The following RAD54L variants were observed in gnomAD, a reference collection of about 807,000 sequenced individuals.
RAD54L encodes RAD54 like, also known as DNA repair and recombination protein RAD54-like.
In RAD54L, 74 loss-of-function variants were observed where a neutral mutation model predicts 91.6. The ratio of observed to expected loss-of-function variants is 0.81; its 90% CI spans 0.67 to 0.98. The LOEUF is 0.98. Ranked by LOEUF, RAD54L falls within the 50% of genes least tolerant of loss-of-function variation. The pLI is 0.00. For synonymous variants in RAD54L, 304 were observed against 349.7 expected, an observed-to-expected ratio of 0.87 and a Z score of 1.46; for missense variants, 887 against 945.7, an observed-to-expected ratio of 0.94 and a Z score of 0.81.
Position 46,274,692 on chromosome 1 carries a change from C to T in RAD54L, c.1844C>T (p.Thr615Ile), listed in dbSNP as rs377232880. 1.9e-6 allele frequency: 3 copies of T among 1,614,110 alleles called. No individual in the cohort carries two copies. The highest frequency in any genetic ancestry group is 2.2e-5 in the East Asian group (1 of 44,884). Residue 615 changes from threonine to isoleucine, a missense_variant, in exon 16 of 18, where the codon ACT becomes ATT. Transcript: ENST00000371975. ...GTCTGGCGAGATGGTCAAAAGAAGACTTGCTATATCTACCGCCTGCTGTCT... is the reference window on the plus strand; with the variant it reads ...GTCTGGCGAGATGGTCAAAAGAAGATTTGCTATATCTACCGCCTGCTGTCT... ...ARVWRDGQKK[T>I]CYIYRLLSAG...
chr1:46,255,367 G>C (rs573948989), intron 3 of RAD54L, among the ~76,000 whole-genome samples: 8 of 152,048 alleles, frequency 5.3e-5, no homozygotes, highest in African/African-American at 1.9e-4. Context: ...TCATCTATCA[G>C]AAGGAAAGAT....
At chr1:46,267,947 T>A (rs973534983) in intron 9 of RAD54L, among the ~76,000 whole-genome samples, 2 of 152,226 alleles carry the variant, frequency 1.3e-5, no homozygotes, top group African/African-American at 4.8e-5. Context: ...GCAAGCTCTG[T>A]CTTGGGCAGA....
intron 3 of RAD54L, among the ~76,000 whole-genome samples, chr1:46,252,575 TG>T (rs770824255): frequency 1.6e-4 from 25 of 151,734 alleles, no homozygotes; most frequent in Non-Finnish European, 3.4e-4. Flanking sequence ...AGGATGAAGT[TG>T]GGATTTTAGG....
At chr1:46,270,549 C>T (rs889571092) in intron 9 of RAD54L, 110 bp from the exon 10 acceptor site, 20 of 1,461,198 alleles carry the variant, frequency 1.4e-5, no homozygotes, top group Non-Finnish European at 1.9e-6. Context: ...TTTGTTTAGC[C>T]TTGTTCTTGG....
chr1:46,249,358 T>C (rs1223847117), intron 2 of RAD54L, among the ~76,000 whole-genome samples: 4 of 152,114 alleles, frequency 2.6e-5, no homozygotes, highest in Admixed American at 2.6e-4. Flanking sequence ...CTGGTACAAG[T>C]GTGTTCTTGC....
At chr1:46,267,744 T>C (rs1660306846) in intron 9 of RAD54L, 135 bp downstream of exon 9, 15 of 1,235,994 alleles carry the variant, frequency 1.2e-5, no homozygotes, top group Middle Eastern at 2.6e-4. Context: ...GGAAGGCTTC[T>C]CTTGTCAGGG....
chr1:46,274,179 A>C lies in RAD54L; in HGVS notation c.1652A>C (p.Lys551Thr). The change falls in exon 15 of 18, where the codon AAG becomes ACG. Residue 551 changes from lysine (K) to threonine (T), a missense_variant. Lys to Thr is a moderately conservative substitution (Grantham distance 78). Transcript: ENST00000371975. ...CTGGATGGCACGATGTCCATTAAGA[A>C]GCGAGCCAAGGTTGTAGAACGCTTC... Reference protein sequence around the residue: ...VRLDGTMSIKKRAKVVERFNS... With the variant: ...VRLDGTMSIKTRAKVVERFNS... 1 of 1,614,082 alleles carries C rather than the reference A, an allele frequency of 6.2e-7. No individual in the cohort carries two copies. Among genetic ancestry groups the C allele is most frequent in the Non-Finnish European group, 8.5e-7 (1 of 1,179,932 alleles).
intron 3 of RAD54L, among the ~76,000 whole-genome samples, chr1:46,255,352 GTC>G (rs1659910867): frequency 6.6e-6 from 1 of 152,074 alleles, no homozygotes; most frequent in South Asian, 2.1e-4. Flanking sequence ...GAGGGATGCT[GTC>G]TCTCATCTAT....
chr1:46,248,563 TC>T lies in RAD54L; in HGVS notation c.57del (p.Cys20ValfsTer10). ...QLAKRKPEGR[S>X]CDDEDWQPGL... ...GGCCAAGAGAAAACCTGAAGGCAGG[TC>T]CTGTGATGATGAAGACTGGCAACCT... On this transcript the variant is annotated frameshift_variant, in exon 2 of 18. Transcript: ENST00000371975. LOFTEE classifies it high-confidence loss of function. 1 of 1,614,016 alleles carries T rather than the reference TC, an allele frequency of 6.2e-7. No homozygotes were observed. Among genetic ancestry groups the T allele is most frequent in the Non-Finnish European group, 8.5e-7 (1 of 1,179,994 alleles).
intron 3 of RAD54L, among the ~76,000 whole-genome samples, chr1:46,250,994 A>G (rs1055659417): frequency 6.7e-6 from 1 of 149,770 alleles, no homozygotes; most frequent in African/African-American, 2.5e-5. Context: ...AAAACAAAAA[A>G]CAAAACAAAA....
intron 10 of RAD54L, among the ~76,000 whole-genome samples, chr1:46,271,061 C>T (rs1357811722): frequency 1.3e-5 from 2 of 152,206 alleles, no homozygotes; most frequent in African/African-American, 4.8e-5. Flanking sequence ...GCAAAGTATA[C>T]CTTGGAGCAT....
chr1:46,258,561 G>A, intron 3 of RAD54L, 125 bp from the exon 4 acceptor site: 1 of 779,342 alleles, frequency 1.3e-6, no homozygotes, highest in Non-Finnish European at 2.2e-6. Flanking sequence ...CTGGATATTT[G>A]TAGAACCTTA....
chr1:46,256,451 A>G (rs1436130197), intron 3 of RAD54L, among the ~76,000 whole-genome samples: 1 of 152,170 alleles, frequency 6.6e-6, no homozygotes, highest in East Asian at 1.9e-4. Context: ...CTAATTAAAA[A>G]TAGTAAAGGC....
chr1:46,272,849 G>A, intron 12 of RAD54L, 47 bp downstream of exon 12: 1 of 1,611,990 alleles, frequency 6.2e-7, no homozygotes, highest in Non-Finnish European at 8.5e-7. Context: ...GTGAGCAAGG[G>A]AGGGTAGGTT....
chr1:46,262,567 A>G (rs1660160324), intron 8 of RAD54L, among the ~76,000 whole-genome samples: 1 of 152,124 alleles, frequency 6.6e-6, no homozygotes, highest in South Asian at 2.1e-4. Context: ...CTGATTTTAC[A>G]TACAGTTAAG....
intron 15 of RAD54L, 51 bp downstream of exon 15, chr1:46,274,267 A>C: frequency 1.3e-6 from 2 of 1,541,580 alleles, no homozygotes; most frequent in Non-Finnish European, 1.8e-6. Flanking sequence ...CATCAGAATT[A>C]AGGAATGATA....
chr1:46,250,803 C>T (rs957794214), intron 3 of RAD54L, among the ~76,000 whole-genome samples: 1 of 151,320 alleles, frequency 6.6e-6, no homozygotes, highest in Admixed American at 6.6e-5. Context: ...GGTGAAACCC[C>T]GTCTCTACTA....
Position 46,259,978 on chromosome 1 carries a change from C to G in RAD54L, c.286C>G (p.Arg96Gly). 6.2e-7 allele frequency: 1 copy of G among 1,614,032 alleles called. No individual in the cohort carries two copies. The stretch of plus-strand genomic sequence containing the variant: ...TTGGTTTGTAGGTCCTCTGGGCTCT[C>G]GAGCATTGGGCCTGAAAAGGGCTGG... ...IPNYQGPLGS[R>G]ALGLKRAGVR... Residue 96 changes from arginine to glycine, a missense_variant, in exon 5 of 18, where the codon CGA (arginine) becomes GGA (glycine). Arg to Gly is a moderately radical substitution (Grantham distance 125). Coordinates refer to ENST00000371975, the MANE Select transcript of RAD54L (RefSeq NM_003579.4).
chr1:46,252,704 A>G lies in RAD54L; in HGVS notation c.210+2585A>G, dbSNP rs28363200. On this transcript the variant is annotated intron_variant, in intron 3 of 17. Coordinates refer to ENST00000371975, the MANE Select transcript of RAD54L (RefSeq NM_003579.4). ...GTAATCAGGAGGCCCATGAAGTTCA[A>G]TGTATTATACAAGAGCTATTCTCTT... Among the ~76,000 whole-genome samples, 891 of 152,260 alleles carry G rather than the reference A, an allele frequency of 5.9e-3. 8 individuals carry two copies. The highest frequency in any genetic ancestry group is 0.021 in the African/African-American group (859 of 41,530).
Sources: allele counts gnomAD v4.1 joint callset (sites outside exome capture counted in the v4.1 genomes callset), GRCh38; gene constraint gnomAD v4.1.1; transcripts MANE v1.5; gene names NCBI Gene and HGNC (gene_info 2026-07-23, HGNC 2026-07-21).